Variants in DPH6 observed in about 807,000 individuals in gnomAD.
DPH6 encodes diphthamine biosynthesis 6.
DPH6 carries 33 observed loss-of-function variants against 38.2 expected under a neutral mutation model. That is an observed-to-expected ratio of 0.86 (90% CI 0.65 to 1.15). The LOEUF (loss-of-function observed/expected upper bound fraction) is 1.15. Ranked by LOEUF, DPH6 falls within the 50% of genes most tolerant of loss-of-function variation. DPH6 has a pLI of 0.00. For synonymous variants in DPH6, 108 were observed against 103.0 expected, an observed-to-expected ratio of 1.05 and a Z score of -0.30; for missense variants, 325 against 320.0, an observed-to-expected ratio of 1.02 and a Z score of -0.12.
intron 5 of DPH6, among the ~76,000 whole-genome samples, chr15:35,447,493 T>C (rs182579283): frequency 5.0e-4 from 76 of 152,224 alleles, no homozygotes; most frequent in African/African-American, 1.3e-3. Flanking sequence ...TTCCCCATGA[T>C]TGGGCTAACT....
chr15:35,314,602 G>A (rs1357890023), intron 3 of DPH6, among the ~76,000 whole-genome samples: 3 of 152,126 alleles, frequency 2.0e-5, no homozygotes, highest in Admixed American at 6.5e-5. Flanking sequence ...GCCGTCGGAA[G>A]TTGACAACAA....
At chr15:35,444,007 T>TA in intron 5 of DPH6, among the ~76,000 whole-genome samples, 1 of 152,132 alleles carries the variant, frequency 6.6e-6, no homozygotes, top group East Asian at 1.9e-4. Flanking sequence ...ACAAATAAGG[T>TA]AGAGTTCCAA....
downstream of DPH6, among the ~76,000 whole-genome samples, chr15:35,369,638 A>G (rs1452502792): frequency 6.6e-6 from 1 of 151,576 alleles, no homozygotes; most frequent in Non-Finnish European, 1.5e-5. Flanking sequence ...AAAAAAAGAA[A>G]AATCCCAAAT....
chr15:35,503,782 G>A (rs2054657946), intron 3 of DPH6, among the ~76,000 whole-genome samples: 1 of 151,988 alleles, frequency 6.6e-6, no homozygotes. Context: ...GCAATTCTAC[G>A]AGGTAGGCTA....
At chr15:35,438,177 T>C (rs986967831) in intron 5 of DPH6, among the ~76,000 whole-genome samples, 1 of 152,222 alleles carries the variant, frequency 6.6e-6, no homozygotes, top group Non-Finnish European at 1.5e-5. Flanking sequence ...CTGGAAAAAG[T>C]TTTTTTCTCA....
At chr15:35,413,470 T>C (rs1234068184) in intron 5 of DPH6, among the ~76,000 whole-genome samples, 3 of 151,668 alleles carry the variant, frequency 2.0e-5, no homozygotes, top group Non-Finnish European at 4.4e-5. Context: ...TGTTGTTATA[T>C]GTGCACAAAC....
chr15:35,421,142 G>A (rs1336054303), intron 5 of DPH6, among the ~76,000 whole-genome samples: 1 of 152,122 alleles, frequency 6.6e-6, no homozygotes, highest in Admixed American at 6.5e-5. Context: ...GATTGAATCA[G>A]TCATTAAAAG....
intron 6 of DPH6, among the ~76,000 whole-genome samples, chr15:35,406,148 C>G (rs17584616): frequency 1.3e-5 from 2 of 151,938 alleles, no homozygotes; most frequent in East Asian, 1.9e-4. Context: ...GAAAACCTTA[C>G]AGTAGTGAGC....
intron 3 of DPH6, chr15:35,521,863 A>C (rs751394481): frequency 5.9e-6 from 8 of 1,358,766 alleles, no homozygotes; most frequent in Non-Finnish European, 7.5e-6. Context: ...ATTAGCAGTC[A>C]TTAATGTTAA....
intron 3 of DPH6, among the ~76,000 whole-genome samples, chr15:35,488,702 T>C (rs765345773): frequency 6.6e-6 from 1 of 151,876 alleles, no homozygotes; most frequent in Non-Finnish European, 1.5e-5. Flanking sequence ...AACATAATTT[T>C]GAAAAAGAAA....
At chr15:35,269,897 TCTC>T (rs1216592641) in intron 3 of DPH6, among the ~76,000 whole-genome samples, 2 of 150,194 alleles carry the variant, frequency 1.3e-5, no homozygotes, top group African/African-American at 4.9e-5. Context: ...TTCACGCCAT[TCTC>T]CTGCCTCAGC....
the DPH6 span, among the ~76,000 whole-genome samples, chr15:35,170,452 G>A: frequency 6.6e-6 from 1 of 152,132 alleles, no homozygotes; most frequent in Non-Finnish European, 1.5e-5. Flanking sequence ...TGGTGTGGGG[G>A]ATGACATTTT....
chr15:35,421,113 G>A (rs1051935563), intron 5 of DPH6, among the ~76,000 whole-genome samples: 1 of 152,078 alleles, frequency 6.6e-6, no homozygotes, highest in South Asian at 2.1e-4. Flanking sequence ...AATCTGAACA[G>A]ACCAAGAATA....
chr15:35,384,225 T>C (rs921322405), intron 6 of DPH6, among the ~76,000 whole-genome samples: 1 of 152,212 alleles, frequency 6.6e-6, no homozygotes, highest in Non-Finnish European at 1.5e-5. Flanking sequence ...TCAGTATCAT[T>C]GTAATGAAAA....
Position 35,494,168 on chromosome 15 carries a change from A to G in DPH6, c.313-39348T>C, listed in dbSNP as rs568236532. 9.9e-5 allele frequency among the ~76,000 whole-genome samples: 15 copies of G among 152,246 alleles called. No individual in the cohort carries two copies. In the East Asian group the frequency reaches 2.9e-3, roughly 29 times the overall value. On this transcript the variant is annotated intron_variant, in intron 3 of 8. Coordinates refer to ENST00000256538, the MANE Select transcript of DPH6 (RefSeq NM_080650.4). ...TAAATCACTTGCAATAGCACCTACA[A>G]TATTTTAATTGCTTAAAAAATTGCC...
At chr15:35,333,608 T>C (rs576154392) in intron 3 of DPH6, among the ~76,000 whole-genome samples, 4 of 152,108 alleles carry the variant, frequency 2.6e-5, no homozygotes, top group Admixed American at 1.3e-4. Context: ...GCACTGAGCG[T>C]ACCTGTAAGA....
intron 3 of DPH6, among the ~76,000 whole-genome samples, chr15:35,243,779 C>T (rs1489684974): frequency 6.6e-6 from 1 of 152,098 alleles, no homozygotes; most frequent in African/African-American, 2.4e-5. Flanking sequence ...GTGAAATAAA[C>T]AGCCATGTTG....
intron 3 of DPH6, chr15:35,298,714 G>T: frequency 1.9e-6 from 3 of 1,579,632 alleles, no homozygotes; most frequent in South Asian, 1.1e-5. Context: ...CCCGGAAGCC[G>T]TACTTCTGTA....
chr15:35,227,142 T>TTCAA (rs1410887019), intron 3 of DPH6, among the ~76,000 whole-genome samples: 1 of 151,756 alleles, frequency 6.6e-6, no homozygotes, highest in East Asian at 1.9e-4. Flanking sequence ...TAATGAACCT[T>TTCAA]TCAATTTCTG....
Sources: allele counts gnomAD v4.1 joint callset (sites outside exome capture counted in the v4.1 genomes callset), GRCh38; gene constraint gnomAD v4.1.1; transcripts MANE v1.5; gene names NCBI Gene and HGNC (gene_info 2026-07-23, HGNC 2026-07-21).